CACNA2D1: variants seen among roughly 807,000 people sequenced by gnomAD.
CACNA2D1 encodes the protein voltage-dependent calcium channel subunit alpha-2/delta-1.
Under a neutral mutation model 171.5 loss-of-function variants are expected in CACNA2D1, and 53 were observed. The ratio of observed to expected loss-of-function variants is 0.31; its 90% CI spans 0.25 to 0.39. CACNA2D1 has a LOEUF of 0.39. CACNA2D1 is among the 10% of genes least tolerant of loss of function. CACNA2D1 has a pLI of 1.00. For missense variants in CACNA2D1, 903 were observed against 1,299.8 expected (o/e 0.69, Z 4.69); for synonymous variants, 442 against 443.1 (o/e 1.00, Z 0.03).
intron 10 of CACNA2D1, among the ~76,000 whole-genome samples, chr7:82,051,952 A>G (rs1038334646): frequency 2.0e-5 from 3 of 152,234 alleles, no homozygotes; most frequent in Non-Finnish European, 4.4e-5. Context: ...TGGAGATAGT[A>G]GAAACACTCA....
intron 3 of CACNA2D1, among the ~76,000 whole-genome samples, chr7:82,188,565 G>A (rs1273192672): frequency 6.6e-6 from 1 of 152,036 alleles, no homozygotes; most frequent in Non-Finnish European, 1.5e-5. Context: ...ATACACTGCT[G>A]ATGGGAATGT....
chr7:82,111,440 ATATATTTTT>A (rs1788429890), intron 6 of CACNA2D1, among the ~76,000 whole-genome samples: 2 of 99,742 alleles, frequency 2.0e-5, no homozygotes, highest in Non-Finnish European at 2.0e-5. Context: ...ATATATATAT[ATATATTTTT>A]TTTTTTTTTT....
intron 3 of CACNA2D1, among the ~76,000 whole-genome samples, chr7:82,253,803 C>A (rs1374072380): frequency 6.6e-6 from 1 of 152,096 alleles, no homozygotes; most frequent in Non-Finnish European, 1.5e-5. Flanking sequence ...GCTACTGAAC[C>A]TTGAATTTAG....
At chr7:82,276,208 C>T (rs1413962724) in intron 3 of CACNA2D1, among the ~76,000 whole-genome samples, 2 of 152,142 alleles carry the variant, frequency 1.3e-5, no homozygotes, top group African/African-American at 2.4e-5. Context: ...TGTTGTTGTA[C>T]ATTAAAACAT....
At chr7:82,144,505 T>C (rs1403484491) in intron 4 of CACNA2D1, among the ~76,000 whole-genome samples, 1 of 152,046 alleles carries the variant, frequency 6.6e-6, no homozygotes, top group African/African-American at 2.4e-5. Flanking sequence ...CTAAGAGAAT[T>C]TGTGGAATAA....
At chr7:81,981,279 C>A (rs564753582) in intron 24 of CACNA2D1, among the ~76,000 whole-genome samples, 7 of 152,066 alleles carry the variant, frequency 4.6e-5, no homozygotes, top group African/African-American at 1.7e-4. Flanking sequence ...GAATATGCAG[C>A]CAGAGAGGGA....
intron 5 of CACNA2D1, among the ~76,000 whole-genome samples, chr7:82,120,752 G>A (rs773176335): frequency 3.3e-5 from 5 of 151,812 alleles, no homozygotes; most frequent in Non-Finnish European, 5.9e-5. Flanking sequence ...GCACATGCCT[G>A]TAGTCCCAGC....
chr7:82,116,131 T>C (rs1789009829), intron 6 of CACNA2D1, among the ~76,000 whole-genome samples: 1 of 152,150 alleles, frequency 6.6e-6, no homozygotes, highest in Non-Finnish European at 1.5e-5. Context: ...CGCAAGCAGT[T>C]CTTTCCCCTT....
At chr7:81,971,004 C>A in intron 26 of CACNA2D1, 1 of 451,214 alleles carries the variant, frequency 2.2e-6, no homozygotes, top group Non-Finnish European at 4.1e-6. Flanking sequence ...AGGAAGGTAT[C>A]ACTTGTAGAG....
At chr7:82,426,178 A>C (rs768084525) in intron 1 of CACNA2D1, among the ~76,000 whole-genome samples, 117 of 102,738 alleles carry the variant, frequency 1.1e-3, no homozygotes, top group Admixed American at 3.0e-3. Context: ...TAAATAAATA[A>C]ATACATAAAT....
At chr7:82,418,860 T>C (rs1204728639) in intron 1 of CACNA2D1, among the ~76,000 whole-genome samples, 1 of 152,166 alleles carries the variant, frequency 6.6e-6, no homozygotes, top group Non-Finnish European at 1.5e-5. Context: ...GGCTCACGCC[T>C]GTAATCCCAG....
intron 3 of CACNA2D1, among the ~76,000 whole-genome samples, chr7:82,235,093 A>G (rs1463005403): frequency 6.6e-6 from 1 of 152,192 alleles, no homozygotes; most frequent in Non-Finnish European, 1.5e-5. Context: ...CTAAGTGAGC[A>G]CACTAAAAAA....
At chr7:82,268,971 G>A (rs1808275117) in intron 3 of CACNA2D1, among the ~76,000 whole-genome samples, 1 of 152,148 alleles carries the variant, frequency 6.6e-6, no homozygotes, top group African/African-American at 2.4e-5. Context: ...TAGAAAAATT[G>A]ATAGGAAATG....
At chr7:82,050,754 A>C in intron 10 of CACNA2D1, 1 of 649,156 alleles carries the variant, frequency 1.5e-6, no homozygotes, top group Admixed American at 2.2e-5. Context: ...AATAACAATA[A>C]TCATCATCAT....
chr7:82,111,618 T>A (rs1204717527), intron 6 of CACNA2D1, among the ~76,000 whole-genome samples: 1 of 151,160 alleles, frequency 6.6e-6, no homozygotes, highest in African/African-American at 2.4e-5. Context: ...AGGCTGTTTT[T>A]AAAATTTGTT....
At chr7:82,336,727 T>C (rs1818047661) in intron 2 of CACNA2D1, among the ~76,000 whole-genome samples, 1 of 152,194 alleles carries the variant, frequency 6.6e-6, no homozygotes, top group Admixed American at 6.5e-5. Flanking sequence ...TAAGATAAGA[T>C]TTAGGAACAT....
chr7:82,368,092 C>G (rs1821960190), intron 1 of CACNA2D1, among the ~76,000 whole-genome samples: 1 of 152,116 alleles, frequency 6.6e-6, no homozygotes. Context: ...CCCCCGACAC[C>G]AGCTTTGATC....
chr7:82,418,103 A>T (rs750462808), intron 1 of CACNA2D1, among the ~76,000 whole-genome samples: 9 of 152,206 alleles, frequency 5.9e-5, no homozygotes, highest in Middle Eastern at 3.2e-3. Context: ...GAAAACTTAC[A>T]ATCATGGTGG....
chr7:82,179,925 G>GAA (rs34239555), intron 3 of CACNA2D1, among the ~76,000 whole-genome samples: 6,986 of 150,398 alleles, frequency 0.046, 230 homozygotes, highest in African/African-American at 0.092. Context: ...ACACCTGAGA[G>GAA]AAAAAAAAAG....
Sources: gnomAD v4.1 joint callset for allele counts (sites outside exome capture counted in the v4.1 genomes callset) on GRCh38, gnomAD v4.1.1 for gene constraint, MANE v1.5 for transcripts, NCBI Gene and HGNC (gene_info 2026-07-23, HGNC 2026-07-21) for gene names.